Variants in B3GALT1 observed in about 807,000 individuals in gnomAD.
B3GALT1 encodes beta-1,3-galactosyltransferase 1, also known as UDP-Gal:betaGlcNAc beta 1,3-galactosyltransferase, polypeptide 1.
In B3GALT1, 10 loss-of-function variants were observed where a neutral mutation model predicts 23.2. The observed-to-expected ratio is 0.43, with a 90% CI of 0.27 to 0.73. The LOEUF (loss-of-function observed/expected upper bound fraction) is 0.73, where lower values mean the gene tolerates loss of function less well. Ranked by LOEUF, B3GALT1 falls within the 30% of genes least tolerant of loss-of-function variation. The pLI is 0.21. For synonymous variants in B3GALT1, 156 were observed against 141.5 expected (o/e 1.10, Z -0.73); for missense variants, 299 against 405.4 (o/e 0.74, Z 2.25).
chr2:167,469,387 A>G (rs1029180207), intron 1 of B3GALT1, among the ~76,000 whole-genome samples: 4 of 152,230 alleles, frequency 2.6e-5, no homozygotes, highest in South Asian at 2.1e-4. Flanking sequence ...TGCCTGACAC[A>G]TAAGTGGTAT....
chr2:167,741,507 A>G (rs1323170342), intron 3 of B3GALT1, among the ~76,000 whole-genome samples: 2 of 152,174 alleles, frequency 1.3e-5, no homozygotes, highest in East Asian at 3.9e-4. Context: ...AAGGGGGTGC[A>G]TTGTTTCCAA....
intron 2 of B3GALT1, among the ~76,000 whole-genome samples, chr2:167,614,137 G>A (rs1224095471): frequency 1.3e-5 from 2 of 151,648 alleles, no homozygotes; most frequent in Admixed American, 6.6e-5. Flanking sequence ...TGCATAATGT[G>A]TATGACACCT....
At chr2:167,774,497 G>GTTTTTTTTTTTTTTTTTTTT (rs397986581) in intron 3 of B3GALT1, among the ~76,000 whole-genome samples, 1 of 82,990 alleles carries the variant, frequency 1.2e-5, no homozygotes, top group East Asian at 3.2e-4. Context: ...TTTTTTTTTT[G>GTTTTTTTTTTTTTTTTTTTT]TTTTTTTTTT....
intron 2 of B3GALT1, among the ~76,000 whole-genome samples, chr2:167,556,214 A>G (rs1356012860): frequency 6.6e-6 from 1 of 152,124 alleles, no homozygotes; most frequent in East Asian, 1.9e-4. Flanking sequence ...TAAATATTGT[A>G]ATTATGGAGG....
At chr2:167,390,045 A>G (rs980476309) in intron 1 of B3GALT1, among the ~76,000 whole-genome samples, 5 of 152,144 alleles carry the variant, frequency 3.3e-5, no homozygotes, top group Non-Finnish European at 7.4e-5. Context: ...AGCCCAACTT[A>G]TATACACTGG....
chr2:167,500,542 A>G (rs1047032385), intron 2 of B3GALT1, among the ~76,000 whole-genome samples: 2 of 152,078 alleles, frequency 1.3e-5, no homozygotes, highest in Non-Finnish European at 2.9e-5. Context: ...GGCCATATCC[A>G]GATTTTCTGG....
intron 1 of B3GALT1, among the ~76,000 whole-genome samples, chr2:167,382,427 T>G (rs1349196644): frequency 6.6e-6 from 1 of 151,960 alleles, no homozygotes; most frequent in Admixed American, 6.6e-5. Context: ...TTGCACTGTT[T>G]TGCACCTCTC....
chr2:167,771,785 A>G (rs1331390562), intron 3 of B3GALT1, among the ~76,000 whole-genome samples: 1 of 152,190 alleles, frequency 6.6e-6, no homozygotes, highest in Non-Finnish European at 1.5e-5. Context: ...GCAAAAGTAG[A>G]GGGAATGAAA....
chr2:167,827,995 T>C (rs1164081117), intron 4 of B3GALT1, among the ~76,000 whole-genome samples: 1 of 152,168 alleles, frequency 6.6e-6, no homozygotes, highest in Non-Finnish European at 1.5e-5. Flanking sequence ...TAGGTTGCTC[T>C]AAGCTCTCTA....
At chr2:167,490,614 A>C (rs187373575) in intron 2 of B3GALT1, among the ~76,000 whole-genome samples, 3 of 152,322 alleles carry the variant, frequency 2.0e-5, no homozygotes, top group Admixed American at 6.5e-5. Context: ...TATTCCTAGG[A>C]TACACTGTGA....
intron 1 of B3GALT1, among the ~76,000 whole-genome samples, chr2:167,309,733 G>A (rs1255917930): frequency 6.6e-6 from 1 of 151,908 alleles, no homozygotes; most frequent in African/African-American, 2.4e-5. Flanking sequence ...ATTTCATTAG[G>A]CAAATACATA....
intron 2 of B3GALT1, among the ~76,000 whole-genome samples, chr2:167,491,611 G>A (rs1015095384): frequency 1.3e-5 from 2 of 151,230 alleles, no homozygotes; most frequent in East Asian, 2.0e-4. Flanking sequence ...TCAGGAGATC[G>A]AGACCATCCT....
chr2:167,370,799 G>A (rs991287143), intron 1 of B3GALT1, among the ~76,000 whole-genome samples: 10 of 151,874 alleles, frequency 6.6e-5, no homozygotes, highest in Non-Finnish European at 1.3e-4. Context: ...GGTGGCGGGT[G>A]CCTGTAATCC....
intron 3 of B3GALT1, among the ~76,000 whole-genome samples, chr2:167,777,705 G>A (rs899155804): frequency 1.1e-4 from 17 of 152,124 alleles, no homozygotes; most frequent in African/African-American, 4.1e-4. Context: ...AATCCCCTGA[G>A]ACCAAATAAC....
chr2:167,632,476 T>C (rs1473281561), intron 2 of B3GALT1, among the ~76,000 whole-genome samples: 1 of 152,118 alleles, frequency 6.6e-6, no homozygotes, highest in African/African-American at 2.4e-5. Context: ...GACTTTTTAA[T>C]GATTGCCATT....
At chr2:167,453,590 A>C (rs1049989721) in intron 1 of B3GALT1, among the ~76,000 whole-genome samples, 6 of 152,330 alleles carry the variant, frequency 3.9e-5, no homozygotes, top group African/African-American at 1.4e-4. Context: ...TCTGTTTAGG[A>C]AAAAGTGTTC....
At position 167,425,766 on chromosome 2, in the gene B3GALT1, G is replaced by A. The variant is rs545064652; in HGVS notation, c.-510-64411G>A. 1.9e-4 allele frequency among the ~76,000 whole-genome samples: 29 copies of A among 151,904 alleles called. No homozygotes were observed. The South Asian group carries it at 4.6e-3, about 24-fold the overall frequency. ...GAATATCAGGCTATAATGATTTATC[G>A]ACTTTGTACATGACTTATACACTAA... On this transcript the variant is annotated intron_variant, in intron 1 of 4. Transcript: ENST00000392690.
At chr2:167,486,471 G>T (rs945144800) in intron 1 of B3GALT1, among the ~76,000 whole-genome samples, 1 of 151,472 alleles carries the variant, frequency 6.6e-6, no homozygotes, top group Non-Finnish European at 1.5e-5. Context: ...TGCCTGCCCA[G>T]CGCTTTGGGA....
chr2:167,441,382 G>A (rs1194793037), intron 1 of B3GALT1, among the ~76,000 whole-genome samples: 2 of 152,064 alleles, frequency 1.3e-5, no homozygotes, highest in African/African-American at 2.4e-5. Context: ...TTATTAATGG[G>A]CCCACTGATA....
Sources: gnomAD v4.1 joint callset for allele counts (sites outside exome capture counted in the v4.1 genomes callset) on GRCh38, gnomAD v4.1.1 for gene constraint, MANE v1.5 for transcripts, NCBI Gene and HGNC (gene_info 2026-07-23, HGNC 2026-07-21) for gene names.